Variants in ATRNL1 observed in about 807,000 individuals in gnomAD.
The protein encoded by ATRNL1 is attractin-like protein 1.
A neutral mutation model predicts 182.7 loss-of-function variants in ATRNL1; 95 were observed. The observed-to-expected ratio is 0.52, with a 90% CI of 0.44 to 0.62. The LOEUF (loss-of-function observed/expected upper bound fraction) is 0.62, where lower values mean the gene tolerates loss of function less well. Ranked by LOEUF, ATRNL1 falls within the 20% of genes least tolerant of loss-of-function variation. The pLI, the probability that ATRNL1 is intolerant of heterozygous loss-of-function variation, is 0.00. For synonymous variants in ATRNL1, 576 were observed against 568.3 expected, an observed-to-expected ratio of 1.01 and a Z score of -0.19; for missense variants, 1,471 against 1,679.5, an observed-to-expected ratio of 0.88 and a Z score of 2.17.
Position 115,469,315 on chromosome 10 carries a change from C to A in ATRNL1, c.3640C>A (p.Pro1214Thr). Residue 1214 changes from proline (P) to threonine (T), a missense_variant, in exon 24 of 29, where the codon CCT becomes ACT. Around this residue, in one of 3 missense-constraint regions of ATRNL1, gnomAD observed 437 missense variants for 506.0 expected, o/e 0.86. Coordinates refer to ENST00000355044, the MANE Select transcript of ATRNL1 (RefSeq NM_207303.4). ...FYVYVSNFSW[P>T]IKIQIAFSQH... ...TGTGTACGTCAGCAACTTTTCCTGG[C>A]CTATTAAAATACAGGTAAGTGTTAA... 1 of 1,523,768 alleles carries A rather than the reference C, an allele frequency of 6.6e-7. No individual in the cohort carries two copies. The highest frequency in any genetic ancestry group is 2.5e-5 in the East Asian group (1 of 39,232). The allele number at this position is 1,523,768 out of a possible 1,614,324, so 94.4% of individuals were successfully genotyped here. A position where few individuals can be genotyped will look rare whatever the true frequency, so the allele number is the denominator to read the frequency against.
chr10:115,366,657 C>T (rs879008874), intron 19 of ATRNL1, among the ~76,000 whole-genome samples: 5 of 150,694 alleles, frequency 3.3e-5, no homozygotes, highest in South Asian at 4.2e-4. Flanking sequence ...CGGCTGGTAC[C>T]GGTTGTTCCT....
intron 20 of ATRNL1, among the ~76,000 whole-genome samples, chr10:115,425,650 G>A (rs538742400): frequency 3.2e-4 from 49 of 152,122 alleles, no homozygotes; most frequent in Non-Finnish European, 6.3e-4. Flanking sequence ...ATCTGTTTAT[G>A]TGAATTCAAA....
chr10:115,240,906 A>G (rs1850393267), intron 9 of ATRNL1, among the ~76,000 whole-genome samples: 3 of 151,724 alleles, frequency 2.0e-5, no homozygotes, highest in African/African-American at 7.3e-5. Context: ...ATATATCTCA[A>G]ATATATATAT....
intron 26 of ATRNL1, among the ~76,000 whole-genome samples, chr10:115,568,396 C>T (rs1212886429): frequency 6.6e-6 from 1 of 151,854 alleles, no homozygotes; most frequent in Non-Finnish European, 1.5e-5. Flanking sequence ...AGAGGATGCC[C>T]AATTACTAAA....
At chr10:115,891,240 C>T (rs1555111186) in intron 28 of ATRNL1, among the ~76,000 whole-genome samples, 1 of 152,004 alleles carries the variant, frequency 6.6e-6, no homozygotes, top group East Asian at 1.9e-4. Context: ...GGAGTGAGGA[C>T]ACTTATAAAA....
chr10:115,331,830 A>G (rs1425308077), intron 18 of ATRNL1, among the ~76,000 whole-genome samples: 1 of 152,090 alleles, frequency 6.6e-6, no homozygotes, highest in African/African-American at 2.4e-5. Flanking sequence ...ATCCAAACTC[A>G]TTGTGATCAT....
At chr10:115,698,714 G>T (rs745479824) in intron 26 of ATRNL1, among the ~76,000 whole-genome samples, 1 of 151,810 alleles carries the variant, frequency 6.6e-6, no homozygotes, top group East Asian at 1.9e-4. Context: ...CGAGGCAGAG[G>T]TTGCAGTGAG....
chr10:115,503,252 G>A (rs908709445), intron 24 of ATRNL1, among the ~76,000 whole-genome samples: 9 of 152,148 alleles, frequency 5.9e-5, no homozygotes, highest in Non-Finnish European at 7.4e-5. Flanking sequence ...GAATTGTTTC[G>A]ATAAACTGTA....
intron 26 of ATRNL1, among the ~76,000 whole-genome samples, chr10:115,596,498 A>G (rs1435225513): frequency 6.6e-6 from 1 of 152,248 alleles, no homozygotes; most frequent in Non-Finnish European, 1.5e-5. Context: ...AAACACAATG[A>G]CATTCATGGA....
chr10:115,871,621 AG>A (rs1555106175), intron 28 of ATRNL1, among the ~76,000 whole-genome samples: 1 of 151,954 alleles, frequency 6.6e-6, no homozygotes, highest in Non-Finnish European at 1.5e-5. Context: ...GAACTGCTTG[AG>A]CAGCAGAAAT....
chr10:115,516,245 A>G (rs1554983855), intron 24 of ATRNL1, among the ~76,000 whole-genome samples: 1 of 151,812 alleles, frequency 6.6e-6, no homozygotes, highest in Non-Finnish European at 1.5e-5. Context: ...TAGAAATATC[A>G]TCTTTCCACT....
intron 26 of ATRNL1, among the ~76,000 whole-genome samples, chr10:115,692,739 T>G (rs970248269): frequency 8.6e-5 from 13 of 152,010 alleles, no homozygotes; most frequent in African/African-American, 3.1e-4. Context: ...TTTAACCTAC[T>G]GAAATCCAAT....
intron 27 of ATRNL1, among the ~76,000 whole-genome samples, chr10:115,816,522 T>A (rs1048194934): frequency 7.2e-5 from 11 of 152,090 alleles, no homozygotes; most frequent in African/African-American, 2.7e-4. Flanking sequence ...TTAGCCAATG[T>A]CTTATCATCA....
chr10:115,140,808 A>G (rs1470540887), intron 5 of ATRNL1, among the ~76,000 whole-genome samples: 3 of 152,176 alleles, frequency 2.0e-5, no homozygotes, highest in Non-Finnish European at 4.4e-5. Context: ...AATGTAAATC[A>G]TGTAATTTAA....
At chr10:115,756,769 G>T (rs1374047245) in intron 27 of ATRNL1, among the ~76,000 whole-genome samples, 1 of 152,098 alleles carries the variant, frequency 6.6e-6, no homozygotes, top group Non-Finnish European at 1.5e-5. Flanking sequence ...GGGTGTTAAA[G>T]TCTCCCACTA....
chr10:115,490,328 A>G (rs906159845), intron 24 of ATRNL1, among the ~76,000 whole-genome samples: 2 of 152,086 alleles, frequency 1.3e-5, no homozygotes, highest in East Asian at 1.9e-4. Flanking sequence ...TTTTCCCAGC[A>G]TGGTTCCATT....
chr10:115,803,372 G>C (rs1949843793), intron 27 of ATRNL1, among the ~76,000 whole-genome samples: 2 of 151,910 alleles, frequency 1.3e-5, no homozygotes, highest in Non-Finnish European at 2.9e-5. Context: ...GAAAGTAAAA[G>C]GTAAATTAAG....
In ATRNL1 at chr10:115,747,970, A is replaced by G. The variant is rs79648852; in HGVS notation, c.3903+20615A>G. On this transcript the variant is annotated intron_variant, in intron 27 of 28. Coordinates refer to ENST00000355044, the MANE Select transcript of ATRNL1 (RefSeq NM_207303.4). ...CTTGAGAGTCTGGCTCTTATAACCT[A>G]ATTACATCCCAAAGACTTCACCTGA... 2.9e-3 allele frequency among the ~76,000 whole-genome samples: 445 copies of G among 152,094 alleles called. 2 individuals are homozygous for G. Among genetic ancestry groups the G allele is most frequent in the African/African-American group, 0.01 (419 of 41,530 alleles).
rs372184310 is a variant in ATRNL1 at position 115,095,385 on chromosome 10, CTTACTA to C, written c.293+1348_293+1353del. ...CTTTTTTTTTTTTTTTAAAAAAAAACTTACTATTACTGATTAAAATAAATGTCCCTT... is the reference window on the plus strand; with the variant it reads ...CTTTTTTTTTTTTTTTAAAAAAAAACTTACTGATTAAAATAAATGTCCCTT... On this transcript the variant is annotated intron_variant, in intron 1 of 28. Coordinates refer to ENST00000355044, the MANE Select transcript of ATRNL1 (RefSeq NM_207303.4). Among the ~76,000 whole-genome samples the C allele has an allele frequency of 1.5e-3, 214 of 141,478 alleles. 2 individuals are homozygous for C. The East Asian group carries it at 0.023, about 15-fold the overall frequency. The allele number at this position is 141,478 out of a possible 152,430, so 92.8% of individuals were successfully genotyped here.
Sources: gnomAD v4.1 joint callset for allele counts (sites outside exome capture counted in the v4.1 genomes callset) on GRCh38, gnomAD v4.1.1 for gene constraint, gnomAD v4.1.1 regional missense constraint, MANE v1.5 for transcripts, NCBI Gene and HGNC (gene_info 2026-07-23, HGNC 2026-07-21) for gene names.